The following FGGY variants were observed in gnomAD, a reference collection of about 807,000 sequenced individuals.
FGGY encodes the protein FGGY carbohydrate kinase domain-containing protein.
A neutral mutation model predicts 71.3 loss-of-function variants in FGGY; 72 were observed. The ratio of observed to expected loss-of-function variants is 1.01; its 90% confidence interval spans 0.84 to 1.23. FGGY has a LOEUF of 1.23. Ranked by LOEUF, FGGY falls within the 50% of genes most tolerant of loss-of-function variation. The pLI, the probability that FGGY is intolerant of heterozygous loss-of-function variation, is 0.00. For missense variants in FGGY, 668 were observed against 682.3 expected, an observed-to-expected ratio of 0.98 and a Z score of 0.23; for synonymous variants, 251 against 250.3, an observed-to-expected ratio of 1.00 and a Z score of -0.02.
intron 6 of FGGY, among the ~76,000 whole-genome samples, chr1:59,491,556 T>A (rs566703005): frequency 6.6e-6 from 1 of 152,272 alleles, no homozygotes; most frequent in South Asian, 2.1e-4. Context: ...ATGTCAATTT[T>A]GTATCCTGAA....
At chr1:59,591,232 G>A (rs187186054) in intron 8 of FGGY, among the ~76,000 whole-genome samples, 2 of 152,204 alleles carry the variant, frequency 1.3e-5, no homozygotes, top group East Asian at 1.9e-4. Flanking sequence ...CAACTTACAA[G>A]GGATGTGAAG....
chr1:59,614,200 G>C (rs1039546519), intron 9 of FGGY, among the ~76,000 whole-genome samples: 1 of 152,124 alleles, frequency 6.6e-6, no homozygotes, highest in Non-Finnish European at 1.5e-5. Context: ...AACTAAAAAA[G>C]AGAATTTTAG....
At chr1:59,510,702 ATTATT>A (rs1307104574) in intron 6 of FGGY, among the ~76,000 whole-genome samples, 23 of 152,228 alleles carry the variant, frequency 1.5e-4, no homozygotes, top group Non-Finnish European at 3.1e-4. Context: ...TATTCAAATT[ATTATT>A]TTAACATGGA....
intron 12 of FGGY, among the ~76,000 whole-genome samples, chr1:59,661,730 T>C (rs918428179): frequency 6.7e-6 from 1 of 148,530 alleles, no homozygotes; most frequent in Non-Finnish European, 1.5e-5. Flanking sequence ...TTGTTTTTGT[T>C]TTTGTTTTGA....
At chr1:59,409,598 T>TTATATATA (rs202016801) in intron 5 of FGGY, among the ~76,000 whole-genome samples, 49 of 105,770 alleles carry the variant, frequency 4.6e-4, no homozygotes, top group Non-Finnish European at 5.3e-4. Context: ...GAAGAGTTTT[T>TTATATATA]TATATATATA....
chr1:59,515,762 C>T (rs1000279689), intron 7 of FGGY, among the ~76,000 whole-genome samples: 1 of 152,168 alleles, frequency 6.6e-6, no homozygotes, highest in African/African-American at 2.4e-5. Context: ...TTGCCCTCCA[C>T]CATGATTATG....
At chr1:59,700,312 A>G (rs2097699375) in intron 14 of FGGY, among the ~76,000 whole-genome samples, 1 of 152,226 alleles carries the variant, frequency 6.6e-6, no homozygotes, top group African/African-American at 2.4e-5. Context: ...GATGGTGACA[A>G]TGATGATAGG....
chr1:59,660,383 G>A, intron 12 of FGGY, 90 bp downstream of exon 12: 1 of 888,100 alleles, frequency 1.1e-6, no homozygotes. Context: ...ACATGCTTTT[G>A]TGACAGAGAT....
intron 14 of FGGY, among the ~76,000 whole-genome samples, chr1:59,683,802 C>A (rs1472913352): frequency 6.6e-6 from 1 of 152,194 alleles, no homozygotes; most frequent in African/African-American, 2.4e-5. Flanking sequence ...TTAAGTAGGG[C>A]AAATTAGTAA....
At chr1:59,714,905 G>T (rs2097831784) in intron 14 of FGGY, among the ~76,000 whole-genome samples, 1 of 152,190 alleles carries the variant, frequency 6.6e-6, no homozygotes, top group South Asian at 2.1e-4. Flanking sequence ...TCAGGTTTAA[G>T]TATGCTATCC....
intron 7 of FGGY, among the ~76,000 whole-genome samples, chr1:59,540,962 G>A (rs2095430800): frequency 6.6e-6 from 1 of 152,154 alleles, no homozygotes; most frequent in African/African-American, 2.4e-5. Context: ...ATAATCATGA[G>A]TAATCAAGTA....
chr1:59,734,676 C>G (rs115218096), intron 14 of FGGY, among the ~76,000 whole-genome samples: 2,506 of 152,322 alleles, frequency 0.016, 72 homozygotes, highest in African/African-American at 0.057. Flanking sequence ...TGAGGAATGC[C>G]GAGACCCTCC....
At chr1:59,649,895 G>C (rs2097139565) in intron 11 of FGGY, among the ~76,000 whole-genome samples, 1 of 141,628 alleles carries the variant, frequency 7.1e-6, no homozygotes, top group South Asian at 2.2e-4. Flanking sequence ...GTTTGTCATA[G>C]ATAGCTCTTA....
intron 8 of FGGY, among the ~76,000 whole-genome samples, chr1:59,587,806 T>C (rs1384320057): frequency 6.6e-6 from 1 of 152,044 alleles, no homozygotes; most frequent in East Asian, 1.9e-4. Context: ...TACGTCGCCA[T>C]CATCAAAGAC....
At chr1:59,364,827 T>A (rs1350558724) in intron 4 of FGGY, among the ~76,000 whole-genome samples, 1 of 152,252 alleles carries the variant, frequency 6.6e-6, no homozygotes, top group African/African-American at 2.4e-5. Flanking sequence ...ATGCTATTGC[T>A]TCTGTTTCTC....
At chr1:59,479,641 C>T (rs2093398702) in intron 6 of FGGY, among the ~76,000 whole-genome samples, 1 of 152,118 alleles carries the variant, frequency 6.6e-6, no homozygotes, top group Non-Finnish European at 1.5e-5. Flanking sequence ...GTGAGATGAT[C>T]TTCTGACAGA....
intron 8 of FGGY, among the ~76,000 whole-genome samples, chr1:59,594,902 TG>T (rs966575150): frequency 6.6e-6 from 1 of 152,124 alleles, no homozygotes; most frequent in African/African-American, 2.4e-5. Context: ...TCTCCAGAAA[TG>T]GGGTTTGGGT....
chr1:59,356,407 A>G (rs550379974), intron 4 of FGGY, among the ~76,000 whole-genome samples: 1 of 152,236 alleles, frequency 6.6e-6, no homozygotes, highest in African/African-American at 2.4e-5. Flanking sequence ...AGGAAAACTT[A>G]TAATAATAGT....
intron 10 of FGGY, among the ~76,000 whole-genome samples, chr1:59,631,577 A>G (rs1469840035): frequency 6.6e-6 from 1 of 152,198 alleles, no homozygotes; most frequent in Non-Finnish European, 1.5e-5. Flanking sequence ...AATCCTTCTG[A>G]ATCAAGAACC....
Sources: gnomAD v4.1 joint callset for allele counts (sites outside exome capture counted in the v4.1 genomes callset) on GRCh38, gnomAD v4.1.1 for gene constraint, MANE v1.5 for transcripts, NCBI Gene and HGNC (gene_info 2026-07-23, HGNC 2026-07-21) for gene names.